Variants in SGIP1 observed in about 807,000 individuals in gnomAD.
SGIP1 encodes SH3GL interacting endocytic adaptor 1.
Under a neutral mutation model 107.5 loss-of-function variants are expected in SGIP1, and 38 were observed. The observed-to-expected ratio is 0.35, with a 90% CI of 0.27 to 0.46. The LOEUF (loss-of-function observed/expected upper bound fraction) is 0.46. Ranked by LOEUF, SGIP1 falls within the 20% of genes least tolerant of loss-of-function variation. The pLI is 1.00. For missense variants in SGIP1, 929 were observed against 1,019.5 expected, an observed-to-expected ratio of 0.91 and a Z score of 1.21; for synonymous variants, 365 against 366.1, an observed-to-expected ratio of 1.00 and a Z score of 0.03.
rs2094537562 is a variant in SGIP1 at position 66,745,291 on chromosome 1, AT to A, written c.*2197del. 6.6e-6 allele frequency: 1 copy of A among 152,026 alleles called. No homozygotes were observed. Among genetic ancestry groups the A allele is most frequent in the Admixed American group, 6.6e-5 (1 of 15,260 alleles). 9.4% of individuals were successfully genotyped at this position (152,026 alleles called of 1,614,324 possible). ...AAATTAGAAACTATGAAGAAATCCT[AT>A]AATCTCTTAACTGGTCTTTATGGAA... On this transcript the variant is annotated 3_prime_UTR_variant, in exon 25 of 25. Coordinates refer to ENST00000371037, the MANE Select transcript of SGIP1 (RefSeq NM_032291.4).
intron 19 of SGIP1, among the ~76,000 whole-genome samples, chr1:66,722,093 A>G (rs1413896101): frequency 6.6e-6 from 1 of 150,434 alleles, no homozygotes; most frequent in Non-Finnish European, 1.5e-5. Flanking sequence ...TCCAACCCTC[A>G]CCTCCATATT....
chr1:66,587,216 G>A (rs12072369), intron 1 of SGIP1, among the ~76,000 whole-genome samples: 19,342 of 151,994 alleles, frequency 0.13, 1,323 homozygotes, highest in Admixed American at 0.18. Context: ...TTGAATCTGT[G>A]AGTTTGTGTA....
At chr1:66,547,710 T>C (rs1439602594) in intron 1 of SGIP1, among the ~76,000 whole-genome samples, 1 of 152,142 alleles carries the variant, frequency 6.6e-6, no homozygotes, top group Non-Finnish European at 1.5e-5. Context: ...GAGCCTGAGT[T>C]CAAGTATGAG....
intron 1 of SGIP1, among the ~76,000 whole-genome samples, chr1:66,545,773 C>T (rs1233014649): frequency 6.6e-6 from 1 of 151,948 alleles, no homozygotes; most frequent in East Asian, 1.9e-4. Context: ...CACAGGCTGG[C>T]AGGCCAGTAA....
Position 66,579,234 on chromosome 1 carries a change from A to C in SGIP1, c.10+44866A>C, listed in dbSNP as rs549273518. Among the ~76,000 whole-genome samples the C allele has an allele frequency of 9.2e-5, 14 of 152,268 alleles. No individual in the cohort carries two copies. The South Asian group carries it at 2.9e-3, about 32-fold the overall frequency. On this transcript the variant is annotated intron_variant, in intron 1 of 24. Transcript: ENST00000371037. ...TACCTATCCTACCATGTCAGTACCC[A>C]ACATGCTGTTTCCCGAAGCTACATG...
chr1:66,691,926 C>T (rs751189012), intron 17 of SGIP1, among the ~76,000 whole-genome samples: 12 of 152,024 alleles, frequency 7.9e-5, no homozygotes, highest in South Asian at 2.1e-4. Flanking sequence ...TTTGGGAGGC[C>T]GAGGCGGGCA....
intron 13 of SGIP1, among the ~76,000 whole-genome samples, chr1:66,679,015 G>A (rs2086020428): frequency 1.3e-5 from 2 of 152,190 alleles, no homozygotes; most frequent in African/African-American, 2.4e-5. Flanking sequence ...AAAGTGACAA[G>A]TCCAGCTCAG....
chr1:66,677,943 G>A (rs1266290320), intron 13 of SGIP1, among the ~76,000 whole-genome samples: 1 of 152,158 alleles, frequency 6.6e-6, no homozygotes, highest in Non-Finnish European at 1.5e-5. Context: ...GTGCCTAAAG[G>A]TGATCATGAG....
intron 9 of SGIP1, 68 bp from the exon 10 acceptor site, chr1:66,670,927 G>A: frequency 1.3e-6 from 1 of 753,148 alleles, no homozygotes; most frequent in Non-Finnish European, 2.0e-6. Context: ...TGCAATGACA[G>A]AAATAATACA....
chr1:66,746,595 C>T lies in SGIP1; in HGVS notation c.*3500C>T, dbSNP rs1243561962. 1 of 152,064 alleles carries T rather than the reference C, an allele frequency of 6.6e-6. No homozygotes were observed. Among genetic ancestry groups the T allele is most frequent in the Non-Finnish European group, 1.5e-5 (1 of 67,958 alleles). The allele number at this position is 152,064 out of a possible 1,614,324, so 9.4% of individuals were successfully genotyped here. ...ATGTACCAGTCACTAGAGATATTAG[C>T]TCATTTAATTCTCTTATCAATCAAA... is the stretch of plus-strand genomic sequence containing the variant. On this transcript the variant is annotated 3_prime_UTR_variant, in exon 25 of 25. Coordinates refer to ENST00000371037, the MANE Select transcript of SGIP1 (RefSeq NM_032291.4).
intron 8 of SGIP1, among the ~76,000 whole-genome samples, chr1:66,661,933 T>C (rs1050933498): frequency 6.6e-6 from 1 of 152,214 alleles, no homozygotes; most frequent in African/African-American, 2.4e-5. Context: ...CCTGGTCATT[T>C]TGATGATACC....
chr1:66,561,045 A>C (rs2058861816), intron 1 of SGIP1, among the ~76,000 whole-genome samples: 1 of 152,074 alleles, frequency 6.6e-6, no homozygotes, highest in Admixed American at 6.6e-5. Flanking sequence ...CAACCCTGAA[A>C]GATTAGATAA....
chr1:66,741,449 CT>C lies in SGIP1; in HGVS notation c.2464+15del, dbSNP rs762968367. Reference sequence around the variant, plus strand: ...AGGTTTGCTGCAGGTAAATGAGTATCTTGATTTTTTCATTTGCGAAAATAAT... The same window carrying C: ...AGGTTTGCTGCAGGTAAATGAGTATCTGATTTTTTCATTTGCGAAAATAAT... On this transcript the variant is annotated intron_variant, in intron 24 of 24. Coordinates refer to ENST00000371037, the MANE Select transcript of SGIP1 (RefSeq NM_032291.4). 2 of 1,541,574 alleles carry C rather than the reference CT, an allele frequency of 1.3e-6. No individual in the cohort carries two copies. The highest frequency in any genetic ancestry group is 4.0e-5 in the Admixed American group (2 of 49,470).
At chr1:66,623,555 C>A (rs995940357) in intron 1 of SGIP1, among the ~76,000 whole-genome samples, 1 of 152,146 alleles carries the variant, frequency 6.6e-6, no homozygotes, top group African/African-American at 2.4e-5. Context: ...CTGGCCCAAA[C>A]TTTTTTTCTT....
chr1:66,597,363 AC>A (rs1254958557), intron 1 of SGIP1, among the ~76,000 whole-genome samples: 4 of 152,216 alleles, frequency 2.6e-5, no homozygotes, highest in Non-Finnish European at 5.9e-5. Flanking sequence ...TAGCCTGAGC[AC>A]CTTATTTAAA....
chr1:66,606,767 C>CTA (rs1330161638), intron 1 of SGIP1, among the ~76,000 whole-genome samples: 2 of 152,148 alleles, frequency 1.3e-5, no homozygotes, highest in Non-Finnish European at 2.9e-5. Flanking sequence ...AATGCAAAAA[C>CTA]TATATATATT....
At chr1:66,654,693 A>G (rs1040722179) in intron 7 of SGIP1, among the ~76,000 whole-genome samples, 4 of 152,182 alleles carry the variant, frequency 2.6e-5, no homozygotes, top group African/African-American at 9.6e-5. Flanking sequence ...ATTTTTCCTC[A>G]AAGACTGGGG....
chr1:66,554,751 A>T (rs1398279157), intron 1 of SGIP1, among the ~76,000 whole-genome samples: 2 of 152,152 alleles, frequency 1.3e-5, no homozygotes, highest in African/African-American at 4.8e-5. Context: ...AAAATTCAGA[A>T]TCTAAGACAC....
chr1:66,735,826 CAAAAAAAA>C (rs1233871897), intron 21 of SGIP1, among the ~76,000 whole-genome samples: 1 of 79,220 alleles, frequency 1.3e-5, no homozygotes, highest in Non-Finnish European at 2.6e-5. Context: ...GACTCCGTCT[CAAAAAAAA>C]AAAAAAAAAA....
Sources: gnomAD v4.1 joint callset for allele counts (sites outside exome capture counted in the v4.1 genomes callset) on GRCh38, gnomAD v4.1.1 for gene constraint, MANE v1.5 for transcripts, NCBI Gene and HGNC (gene_info 2026-07-23, HGNC 2026-07-21) for gene names.